MEMO1: variants seen among roughly 807,000 people sequenced by gnomAD.
MEMO1 encodes protein MEMO1.
A neutral mutation model predicts 45.2 loss-of-function variants in MEMO1; 6 were observed. The observed-to-expected ratio is 0.13, with a 90% CI of 0.07 to 0.26. The LOEUF (loss-of-function observed/expected upper bound fraction) is 0.26, where lower values mean the gene tolerates loss of function less well. Among genes scored for constraint, MEMO1 ranks in the 10% least tolerant of loss-of-function variants. MEMO1 has a pLI of 1.00. For synonymous variants in MEMO1, 78 were observed against 124.3 expected, an observed-to-expected ratio of 0.63 and a Z score of 2.48; for missense variants, 184 against 370.5, an observed-to-expected ratio of 0.50 and a Z score of 4.13.
intron 6 of MEMO1, among the ~76,000 whole-genome samples, chr2:31,909,664 ATTGTTT>A (rs1680276492): frequency 6.6e-6 from 1 of 152,230 alleles, no homozygotes; most frequent in Admixed American, 6.5e-5. Context: ...AAGAATTAAT[ATTGTTT>A]AAATGTCCAT....
At chr2:32,000,929 C>A (rs1430815098) in intron 2 of MEMO1, among the ~76,000 whole-genome samples, 3 of 152,116 alleles carry the variant, frequency 2.0e-5, no homozygotes, top group Non-Finnish European at 2.9e-5. Context: ...CTGCTATACA[C>A]CTAGTCCCAT....
At position 31,910,735 on chromosome 2, in the gene MEMO1, C is replaced by T. The variant is rs184040140; in HGVS notation, c.437+7191G>A. 7.7e-4 allele frequency among the ~76,000 whole-genome samples: 117 copies of T among 152,220 alleles called. 1 individual carries two copies. The highest frequency in any genetic ancestry group is 2.6e-3 in the African/African-American group (107 of 41,546). ...ATTAGCCAGGCATGGTGGTGCATGT[C>T]TGTAGTCCCAGCTACTCGAGAGGCT... On this transcript the variant is annotated intron_variant, in intron 6 of 9. Transcript: ENST00000404530.
intron 8 of MEMO1, among the ~76,000 whole-genome samples, chr2:31,881,120 T>C (rs957157703): frequency 6.6e-6 from 1 of 152,134 alleles, no homozygotes; most frequent in Non-Finnish European, 1.5e-5. Flanking sequence ...CAACATCTAC[T>C]GTACTCCTTA....
At chr2:31,956,755 G>A (rs1237927349) in intron 2 of MEMO1, among the ~76,000 whole-genome samples, 1 of 152,198 alleles carries the variant, frequency 6.6e-6, no homozygotes, top group Non-Finnish European at 1.5e-5. Flanking sequence ...ATACACAACA[G>A]AAGGTACAAT....
intron 2 of MEMO1, among the ~76,000 whole-genome samples, chr2:31,986,694 T>G (rs558240985): frequency 6.6e-6 from 1 of 152,282 alleles, no homozygotes; most frequent in East Asian, 1.9e-4. Context: ...GAGCATATAT[T>G]CTAAAGGAGA....
At chr2:31,878,482 T>C (rs1357849083) in intron 8 of MEMO1, among the ~76,000 whole-genome samples, 1 of 151,990 alleles carries the variant, frequency 6.6e-6, no homozygotes, top group Non-Finnish European at 1.5e-5. Context: ...AGTGGAAGGA[T>C]AGGACCACCA....
chr2:31,974,505 G>C lies in MEMO1; in HGVS notation c.62-31122C>G, dbSNP rs562780162. Among the ~76,000 whole-genome samples, 48 of 152,252 alleles carry C rather than the reference G, an allele frequency of 3.2e-4. 1 individual carries two copies. In the South Asian group the frequency reaches 9.7e-3, roughly 31 times the overall value. ...CTCACGCCTGTAATCCCAGTATTCT[G>C]GGGGGTTGAGGCAGGTGGATCACGA... On this transcript the variant is annotated intron_variant, in intron 2 of 9. Transcript: ENST00000404530.
intron 2 of MEMO1, among the ~76,000 whole-genome samples, chr2:31,991,118 AATG>A (rs899979683): frequency 2.6e-5 from 4 of 152,226 alleles, no homozygotes; most frequent in East Asian, 1.9e-4. Context: ...AAAAAGAGAA[AATG>A]ATGACTTATA....
rs568899396 is a variant in MEMO1, at chr2:32,009,841, G to A, written c.61+346C>T. Among the ~76,000 whole-genome samples, 7 of 152,270 alleles carry A rather than the reference G, an allele frequency of 4.6e-5. No individual in the cohort carries two copies. In the South Asian group the frequency reaches 1.4e-3, roughly 31 times the overall value. ...CCGGCCGCACGCTTCCTGCAAGCCA[G>A]AGGCGGCGACAAGTCGGCTGGGGTC... On this transcript the variant is annotated intron_variant, in intron 2 of 9. Transcript: ENST00000404530.
At chr2:31,943,100 A>C (rs1259440763) in intron 3 of MEMO1, among the ~76,000 whole-genome samples, 1 of 152,134 alleles carries the variant, frequency 6.6e-6, no homozygotes, top group Non-Finnish European at 1.5e-5. Flanking sequence ...CTCCGTCTCT[A>C]CTAAAAATAC....
intron 2 of MEMO1, among the ~76,000 whole-genome samples, chr2:31,956,939 G>C (rs1153120): frequency 6.6e-6 from 1 of 152,094 alleles, no homozygotes; most frequent in African/African-American, 2.4e-5. Flanking sequence ...GTCAGGAGAT[G>C]GAGACCATCC....
intron 2 of MEMO1, among the ~76,000 whole-genome samples, chr2:31,967,360 G>C (rs898670392): frequency 6.6e-6 from 1 of 152,022 alleles, no homozygotes; most frequent in Non-Finnish European, 1.5e-5. Context: ...TCCTGACCTC[G>C]TGATCCGCCT....
intron 2 of MEMO1, among the ~76,000 whole-genome samples, chr2:31,956,611 T>C (rs1010164228): frequency 1.3e-5 from 2 of 152,152 alleles, no homozygotes; most frequent in Non-Finnish European, 2.9e-5. Flanking sequence ...GAAAATTGAA[T>C]AGTCAAAAAT....
chr2:31,968,514 A>C (rs1206635031), intron 2 of MEMO1, among the ~76,000 whole-genome samples: 6 of 152,230 alleles, frequency 3.9e-5, no homozygotes, highest in South Asian at 4.1e-4. Flanking sequence ...TCCTGGTAGC[A>C]AACAGTCCAG....
chr2:31,989,033 C>T (rs568169227), intron 2 of MEMO1, among the ~76,000 whole-genome samples: 5 of 151,792 alleles, frequency 3.3e-5, no homozygotes, highest in African/African-American at 1.2e-4. Flanking sequence ...ATGGAGAAAC[C>T]CCGTCTCTAC....
At chr2:31,987,961 T>C (rs1211860763) in intron 2 of MEMO1, among the ~76,000 whole-genome samples, 1 of 152,156 alleles carries the variant, frequency 6.6e-6, no homozygotes, top group Non-Finnish European at 1.5e-5. Context: ...TTGAGAATCA[T>C]GCCAAAATGA....
chr2:31,896,875 C>G (rs114062104), intron 6 of MEMO1, among the ~76,000 whole-genome samples: 6 of 151,808 alleles, frequency 4.0e-5, no homozygotes, highest in Admixed American at 3.3e-4. Flanking sequence ...AGAAGATATA[C>G]AAATGGATAA....
At chr2:31,922,810 T>C (rs1682512556) in intron 4 of MEMO1, among the ~76,000 whole-genome samples, 2 of 152,114 alleles carry the variant, frequency 1.3e-5, no homozygotes, top group Non-Finnish European at 2.9e-5. Context: ...TCTCATTCTT[T>C]TAAAGAGCTG....
intron 4 of MEMO1, among the ~76,000 whole-genome samples, chr2:31,922,570 T>C (rs1386921930): frequency 2.6e-5 from 4 of 152,040 alleles, no homozygotes; most frequent in Non-Finnish European, 5.9e-5. Context: ...ACAGATTATT[T>C]GGACACCCAG....
Sources: allele counts gnomAD v4.1 joint callset (sites outside exome capture counted in the v4.1 genomes callset), GRCh38; gene constraint gnomAD v4.1.1; transcripts MANE v1.5; gene names NCBI Gene and HGNC (gene_info 2026-07-23, HGNC 2026-07-21).